Variants in APOL1 observed in about 807,000 individuals in gnomAD.
APOL1 encodes the protein apolipoprotein L 1.
In APOL1, 17 loss-of-function variants were observed where a neutral mutation model predicts 14.9. The ratio of observed to expected loss-of-function variants is 1.14; its 90% confidence interval spans 0.78 to 1.71. The LOEUF (loss-of-function observed/expected upper bound fraction) is 1.71, where lower values mean the gene tolerates loss of function less well. Among genes scored for constraint, APOL1 ranks in the 40% most tolerant of loss-of-function variants. The pLI, the probability that APOL1 is intolerant of heterozygous loss-of-function variation, is 0.00. For missense variants in APOL1, 523 were observed against 485.9 expected, an observed-to-expected ratio of 1.08 and a Z score of -0.72; for synonymous variants, 195 against 184.8, an observed-to-expected ratio of 1.05 and a Z score of -0.45.
intron 5 of APOL1, among the ~76,000 whole-genome samples, chr22:36,264,129 A>G (rs1353705841): frequency 6.6e-6 from 1 of 152,156 alleles, no homozygotes; most frequent in East Asian, 1.9e-4. Context: ...TTGGTCAAGG[A>G]GAAAGTCCTT....
intron 2 of APOL1, among the ~76,000 whole-genome samples, chr22:36,256,658 A>G (rs1006291477): frequency 2.6e-5 from 4 of 152,218 alleles, no homozygotes; most frequent in African/African-American, 9.6e-5. Flanking sequence ...GTGTGAGACA[A>G]GGATTTGCAA....
chr22:36,257,234 G>A (rs2015913172), intron 3 of APOL1, 85 bp from the exon 4 acceptor site: 2 of 1,603,586 alleles, frequency 1.2e-6, no homozygotes, highest in Non-Finnish European at 1.7e-6. Flanking sequence ...AGAGAGATTT[G>A]CAGAGCCCCG....
Position 36,264,078 on chromosome 22 carries a change from G to A in APOL1, c.315-1073G>A, listed in dbSNP as rs373876906. Among the ~76,000 whole-genome samples, 21 of 152,278 alleles carry A rather than the reference G, an allele frequency of 1.4e-4. No individual in the cohort carries two copies. The East Asian group carries it at 1.9e-3, about 14-fold the overall frequency. On this transcript the variant is annotated intron_variant, in intron 5 of 5. Coordinates refer to ENST00000397278, the MANE Select transcript of APOL1 (RefSeq NM_003661.4). ...TGGGTGGCTGTGGAAGGCCAAGGTC[G>A]GCGCCTAGTGGAGAAGAGGCTCAGA...
intron 4 of APOL1, chr22:36,259,978 T>C (rs770690635): frequency 2.5e-6 from 3 of 1,185,118 alleles, no homozygotes; most frequent in Non-Finnish European, 3.3e-6. Context: ...GGAGTTTTAA[T>C]GTTAAGGAGT....
At position 36,254,076 on chromosome 22, in the gene APOL1, T is replaced by A. The variant is rs1222685482; in HGVS notation, c.-20+857T>A. 16 of 1,533,716 alleles carry A rather than the reference T, an allele frequency of 1.0e-5. No individual in the cohort carries two copies. In the Admixed American group the frequency reaches 1.7e-4, roughly 16 times the overall value. On this transcript the variant is annotated intron_variant, in intron 1 of 5. Coordinates refer to ENST00000397278, the MANE Select transcript of APOL1 (RefSeq NM_003661.4). The stretch of plus-strand genomic sequence containing the variant: ...CCTGGAAACTTTTGGATTATTAAAA[T>A]CAAACATTTTTGCTTCAATATTAGA...
intron 5 of APOL1, among the ~76,000 whole-genome samples, chr22:36,263,295 A>G (rs2016133085): frequency 1.3e-5 from 2 of 151,856 alleles, no homozygotes; most frequent in African/African-American, 4.8e-5. Context: ...AGGCATTGGA[A>G]GGGAGCAGAT....
At chr22:36,256,047 T>C (rs912841526) in intron 2 of APOL1, among the ~76,000 whole-genome samples, 4 of 152,274 alleles carry the variant, frequency 2.6e-5, no homozygotes, top group East Asian at 1.9e-4. Flanking sequence ...AAAAAAATGA[T>C]AATATTAATC....
rs746060802 is a variant in APOL1, at chr22:36,257,077, CA to C, written c.45-4del. On this transcript the variant is annotated splice_polypyrimidine_tract_variant and splice_region_variant and intron_variant, in intron 2 of 5. Transcript: ENST00000397278. ...CTCTGATTATCTTCTCCTCATACCC[CA>C]ACAGGATGAGTGCACTTTTCCTTGG... 2.5e-6 allele frequency: 4 copies of C among 1,614,028 alleles called. No homozygotes were observed. The East Asian group carries it at 8.9e-5, about 36-fold the overall frequency.
rs764169216 is a variant in APOL1, at chr22:36,265,763, A to G, written c.927A>G (p.Pro309=). 1.2e-6 allele frequency: 2 copies of G among 1,614,108 alleles called. No individual in the cohort carries two copies. The highest frequency in any genetic ancestry group is 1.7e-6 in the Non-Finnish European group (2 of 1,180,046). Residue 309 remains proline (P), a synonymous_variant, in exon 6 of 6, where the codon CCA becomes CCG. Transcript: ENST00000397278. ...CCTCACGCCCCCGGGTCACTGAGCC[A>G]ATCTCAGCTGAAAGCGGTGAACAGG... ...ASASRPRVTE[P]ISAESGEQVE...
intron 5 of APOL1, among the ~76,000 whole-genome samples, chr22:36,261,960 G>A (rs1346553297): frequency 1.3e-5 from 2 of 152,234 alleles, no homozygotes; most frequent in African/African-American, 4.8e-5. Context: ...CCATCTGCTG[G>A]TGATGGGAAC....
chr22:36,260,350 G>T (rs919192479), intron 4 of APOL1, among the ~76,000 whole-genome samples: 1 of 152,056 alleles, frequency 6.6e-6, no homozygotes, highest in Admixed American at 6.5e-5. Flanking sequence ...AGCCAAGATC[G>T]CACCACTGCA....
rs1250098731 is a variant in APOL1, at chr22:36,266,183, C to T, written c.*150C>T. On this transcript the variant is annotated 3_prime_UTR_variant, in exon 6 of 6. Coordinates refer to ENST00000397278, the MANE Select transcript of APOL1 (RefSeq NM_003661.4). ...TCAGCTCACTGCAAGCTCTGCCTCC[C>T]GTGTTCAAGCGATTCTCCTGCCTTG... 9 of 844,628 alleles carry T rather than the reference C, an allele frequency of 1.1e-5. No individual in the cohort carries two copies. Among genetic ancestry groups the T allele is most frequent in the Middle Eastern group, 3.7e-4 (1 of 2,676 alleles). The allele number at this position is 844,628 out of a possible 1,614,324, so 52.3% of individuals were successfully genotyped here.
At position 36,265,382 on chromosome 22, in the gene APOL1, C is replaced by G. The variant is rs2016206953; in HGVS notation, c.546C>G (p.Leu182=). The G allele has an allele frequency of 6.2e-7, 1 of 1,612,814 alleles. No individual in the cohort carries two copies. The highest frequency in any genetic ancestry group is 1.3e-5 in the African/African-American group (1 of 74,904). ...TTIANVVSGS[L]SISSGILTLV... ...TCGCCAATGTGGTGTCTGGCTCTCT[C>G]AGCATTTCCTCTGGCATCCTGACCC... Residue 182 remains leucine (L), a synonymous_variant, in exon 6 of 6, where the codon CTC becomes CTG. Transcript: ENST00000397278.
At position 36,257,386 on chromosome 22, in the gene APOL1, G is replaced by A. The variant is rs1418883562; in HGVS notation, c.166G>A (p.Ala56Thr). The change falls in exon 4 of 6, where the codon GCT (alanine) becomes ACT (threonine). Residue 56 changes from alanine to threonine, a missense_variant. Ala to Thr is a moderately conservative substitution (Grantham distance 58). Transcript: ENST00000397278. ...TCAAAGTAAGCCCCTCGGTGACTGG[G>A]CTGCTGGCACCATGGACCCAGGTAG... Reference protein sequence around the residue: ...DPQSKPLGDWAAGTMDPESSI... With the variant: ...DPQSKPLGDWTAGTMDPESSI... 3 of 1,614,108 alleles carry A rather than the reference G, an allele frequency of 1.9e-6. No individual in the cohort carries two copies. The highest frequency in any genetic ancestry group is 2.2e-5 in the South Asian group (2 of 91,084).
chr22:36,263,566 C>G (rs757227836), intron 5 of APOL1, among the ~76,000 whole-genome samples: 14 of 152,230 alleles, frequency 9.2e-5, no homozygotes, highest in African/African-American at 3.4e-4. Flanking sequence ...AAGAGACACA[C>G]GGGGCAGAGT....
chr22:36,267,309 T>A lies in APOL1; in HGVS notation c.*1276T>A, dbSNP rs986058987. On this transcript the variant is annotated 3_prime_UTR_variant, in exon 6 of 6. Transcript: ENST00000397278. ...GTGGGCCATGGCCATGGTCCCCAGC[T>A]GAGGAGCAGGTGTCCCTGAGAACCC... The A allele has an allele frequency of 4.6e-5, 7 of 152,288 alleles. No individual in the cohort carries two copies. Among genetic ancestry groups the A allele is most frequent in the Admixed American group, 3.9e-4 (6 of 15,278 alleles). The allele number at this position is 152,288 out of a possible 1,614,324, so 9.4% of individuals were successfully genotyped here.
intron 5 of APOL1, among the ~76,000 whole-genome samples, chr22:36,262,187 G>A (rs2016096389): frequency 6.6e-6 from 1 of 152,230 alleles, no homozygotes; most frequent in Non-Finnish European, 1.5e-5. Flanking sequence ...TTTGGGACAA[G>A]TCAGAAAAAT....
chr22:36,263,226 C>T (rs1221344496), intron 5 of APOL1, among the ~76,000 whole-genome samples: 3 of 152,226 alleles, frequency 2.0e-5, no homozygotes, highest in Admixed American at 2.0e-4. Flanking sequence ...AGATCTCCCA[C>T]TCCAGTCAGC....
Position 36,257,347 on chromosome 22 carries a change from G to C in APOL1, c.127G>C (p.Asp43His). 6.2e-7 allele frequency: 1 copy of C among 1,614,194 alleles called. No homozygotes were observed. The highest frequency in any genetic ancestry group is 1.1e-5 in the South Asian group (1 of 91,072). Reference sequence around the variant, plus strand: ...GCAACAAAACGTTCCAAGTGGGACAGATACTGGAGATCCTCAAAGTAAGCC... The same window carrying C: ...GCAACAAAACGTTCCAAGTGGGACACATACTGGAGATCCTCAAAGTAAGCC... ...RVQQNVPSGT[D>H]TGDPQSKPLG... Residue 43 changes from aspartate to histidine, a missense_variant, in exon 4 of 6, where the codon GAT (aspartate) becomes CAT (histidine). Physicochemically the swap from Asp to His is moderately conservative, Grantham distance 81. Transcript: ENST00000397278.
Sources: allele counts gnomAD v4.1 joint callset (sites outside exome capture counted in the v4.1 genomes callset), GRCh38; gene constraint gnomAD v4.1.1; transcripts MANE v1.5; gene names NCBI Gene and HGNC (gene_info 2026-07-23, HGNC 2026-07-21).